SLC4A8: variants seen among roughly 807,000 people sequenced by gnomAD.
The protein encoded by SLC4A8 is electroneutral sodium bicarbonate exchanger 1.
SLC4A8 carries 40 observed loss-of-function variants against 125.0 expected under a neutral mutation model. That is an observed-to-expected ratio of 0.32 (90% CI 0.25 to 0.42). The LOEUF (loss-of-function observed/expected upper bound fraction) is 0.42, where lower values mean the gene tolerates loss of function less well. Ranked by LOEUF, SLC4A8 falls within the 10% of genes least tolerant of loss-of-function variation. The pLI, the probability that SLC4A8 is intolerant of heterozygous loss-of-function variation, is 1.00. For synonymous variants in SLC4A8, 456 were observed against 476.0 expected (o/e 0.96, Z 0.55); for missense variants, 863 against 1,355.1 (o/e 0.64, Z 5.70).
chr12:51,480,071 G>A (rs538177744), intron 16 of SLC4A8: 44 of 366,662 alleles, frequency 1.2e-4, no homozygotes, highest in African/African-American at 8.8e-4. Context: ...CTCCCGAGTA[G>A]CTGGGACTAC....
intron 24 of SLC4A8, among the ~76,000 whole-genome samples, chr12:51,506,480 G>A (rs953480098): frequency 4.0e-5 from 6 of 151,140 alleles, no homozygotes; most frequent in Admixed American, 6.6e-5. Context: ...TGTCTCCCAG[G>A]CTGGAGTGCA....
At chr12:51,503,209 T>C (rs1283662825) in intron 22 of SLC4A8, among the ~76,000 whole-genome samples, 1 of 151,130 alleles carries the variant, frequency 6.6e-6, no homozygotes, top group Non-Finnish European at 1.5e-5. Context: ...TGGATTATTA[T>C]TATTTTTTTA....
intron 1 of SLC4A8, among the ~76,000 whole-genome samples, chr12:51,396,194 T>A (rs1157955175): frequency 6.6e-6 from 1 of 152,252 alleles, no homozygotes; most frequent in Non-Finnish European, 1.5e-5. Context: ...TTAGCCATTA[T>A]AATATTAGCT....
chr12:51,462,398 C>T lies in SLC4A8; in HGVS notation c.1190C>T (p.Pro397Leu). Residue 397 changes from proline (P) to leucine (L), a missense_variant, in exon 10 of 25, where the codon CCT (proline) becomes CTT (leucine). By Grantham distance (98) the Pro-to-Leu change is moderately conservative. Around this residue, in one of 6 missense-constraint regions of SLC4A8, gnomAD observed 390 missense variants for 634.4 expected, o/e 0.61. Transcript: ENST00000453097. ...DEFLDQVTVL[P>L]PGEWDPSIRI... ...TTCCTAGACCAGGTGACGGTGCTCC[C>T]TCCAGGAGAGTGGGATCCCTCCATT... 1 of 1,607,716 alleles carries T rather than the reference C, an allele frequency of 6.2e-7. No individual in the cohort carries two copies. The highest frequency in any genetic ancestry group is 8.5e-7 in the Non-Finnish European group (1 of 1,178,120).
intron 16 of SLC4A8, among the ~76,000 whole-genome samples, chr12:51,484,382 T>A (rs1951110128): frequency 6.6e-6 from 1 of 152,070 alleles, no homozygotes; most frequent in Non-Finnish European, 1.5e-5. Context: ...CATGAAACAA[T>A]CAGATGCTAT....
At chr12:51,474,269 C>A in intron 14 of SLC4A8, 73 bp from the exon 15 acceptor site, 3 of 987,302 alleles carry the variant, frequency 3.0e-6, no homozygotes, top group South Asian at 1.7e-5. Flanking sequence ...AGCCTTTAAA[C>A]CAGTTGTTCT....
At position 51,476,733 on chromosome 12, in the gene SLC4A8, T is replaced by G. The variant is rs575435522; in HGVS notation, c.2172+1527T>G. Among the ~76,000 whole-genome samples the G allele has an allele frequency of 6.6e-5, 10 of 152,262 alleles. No homozygotes were observed. In the East Asian group the frequency reaches 1.9e-3, roughly 29 times the overall value. On this transcript the variant is annotated intron_variant, in intron 16 of 24. Coordinates refer to ENST00000453097, the MANE Select transcript of SLC4A8 (RefSeq NM_001039960.3). ...AGTGGCCTTCAGAGAAACCTATTTA[T>G]GTGGCCAGTGGTGTGGCCTTACCTG...
chr12:51,463,673 A>G lies in SLC4A8; in HGVS notation c.1308A>G (p.Pro436=). Residue 436 remains proline (P), a synonymous_variant, in exon 11 of 25, where the codon CCA becomes CCG. Coordinates refer to ENST00000453097, the MANE Select transcript of SLC4A8 (RefSeq NM_001039960.3). ...ATGTTTGCCACATAGAACAGGAACCACATGGGGGTCACAGTGGGCCAGAAC... is the reference window on the plus strand; with the variant it reads ...ATGTTTGCCACATAGAACAGGAACCGCATGGGGGTCACAGTGGGCCAGAAC... ...NGNVCHIEQE[P]HGGHSGPELQ... The G allele has an allele frequency of 6.2e-7, 1 of 1,614,152 alleles. No individual in the cohort carries two copies. Among genetic ancestry groups the G allele is most frequent in the Non-Finnish European group, 8.5e-7 (1 of 1,179,966 alleles).
At position 51,513,920 on chromosome 12, in the gene SLC4A8, C is replaced by T. The variant is rs1439859210; in HGVS notation, c.*6482C>T. ...CCAAAAAAGATAGTTCTTAGTCCTA[C>T]TTTATTTTCTACCCACTCAACTCTC... is the stretch of plus-strand genomic sequence containing the variant. On this transcript the variant is annotated 3_prime_UTR_variant, in exon 25 of 25. Transcript: ENST00000453097. The T allele has an allele frequency of 6.6e-6, 1 of 152,176 alleles. No individual in the cohort carries two copies. The highest frequency in any genetic ancestry group is 6.5e-5 in the Admixed American group (1 of 15,278). 9.4% of individuals were successfully genotyped at this position (152,176 alleles called of 1,614,324 possible).
At position 51,505,857 on chromosome 12, in the gene SLC4A8, A is replaced by G. The variant is rs1262758163; in HGVS notation, c.3196A>G (p.Ile1066Val). Residue 1066 changes from isoleucine to valine, a missense_variant, in exon 24 of 25, where the codon ATA becomes GTA. Physicochemically the swap from Ile to Val is conservative, Grantham distance 29. This residue lies in a region of SLC4A8 where 92 missense variants were observed against 125.6 expected (regional missense o/e 0.73). Coordinates refer to ENST00000453097, the MANE Select transcript of SLC4A8 (RefSeq NM_001039960.3). The stretch of plus-strand genomic sequence containing the variant: ...CAGATGTGACCCCTCTGAGATTAAT[A>G]TATCTGATGAAATGCCTAAAACTAC... ...SCRCDPSEIN[I>V]SDEMPKTTVW... 2 of 1,565,432 alleles carry G rather than the reference A, an allele frequency of 1.3e-6. No individual in the cohort carries two copies. The highest frequency in any genetic ancestry group is 1.8e-6 in the Non-Finnish European group (2 of 1,138,216).
chr12:51,435,440 G>A lies in SLC4A8; in HGVS notation c.49-5268G>A, dbSNP rs959127159. 2.6e-5 allele frequency among the ~76,000 whole-genome samples: 4 copies of A among 152,092 alleles called. No homozygotes were observed. The East Asian group carries it at 7.7e-4, about 29-fold the overall frequency. ...GGTTTATTAGTGTTATCCTCCAAATGTGACCAATTAGTTAATTTTAAAAGT... is the reference window on the plus strand; with the variant it reads ...GGTTTATTAGTGTTATCCTCCAAATATGACCAATTAGTTAATTTTAAAAGT... On this transcript the variant is annotated intron_variant, in intron 1 of 24. Transcript: ENST00000453097.
At chr12:51,414,580 G>A (rs374064159) in intron 1 of SLC4A8, among the ~76,000 whole-genome samples, 4 of 151,982 alleles carry the variant, frequency 2.6e-5, no homozygotes, top group Admixed American at 6.6e-5. Context: ...GTGAGATCTC[G>A]TCTCTACAAA....
At chr12:51,420,743 A>C (rs1948771775), upstream of SLC4A8, among the ~76,000 whole-genome samples, 1 of 152,200 alleles carries the variant, frequency 6.6e-6, no homozygotes, top group African/African-American at 2.4e-5. Flanking sequence ...GAAAGAGTGG[A>C]GCCTATGAAA....
At chr12:51,473,145 T>G (rs946011949) in intron 14 of SLC4A8, among the ~76,000 whole-genome samples, 2 of 152,216 alleles carry the variant, frequency 1.3e-5, no homozygotes, top group African/African-American at 4.8e-5. Flanking sequence ...ACATGTATCC[T>G]CCATTATAAT....
In SLC4A8 at chr12:51,497,472, T is replaced by C. The variant is rs1951493256; in HGVS notation, c.3081+348T>C. On this transcript the variant is annotated intron_variant, in intron 22 of 24. Coordinates refer to ENST00000453097, the MANE Select transcript of SLC4A8 (RefSeq NM_001039960.3). ...ACATAAGACCCATTATTTCCTAGAA[T>C]GTTTGTAATATATCTAATTGCAAAT... is the stretch of plus-strand genomic sequence containing the variant. The C allele has an allele frequency of 2.1e-5, 4 of 186,418 alleles. No individual in the cohort carries two copies. The South Asian group carries it at 4.8e-4, about 23-fold the overall frequency. 11.5% of individuals were successfully genotyped at this position (186,418 alleles called of 1,614,324 possible).
chr12:51,452,377 G>A, intron 4 of SLC4A8, 118 bp downstream of exon 4: 1 of 1,143,938 alleles, frequency 8.7e-7, no homozygotes, highest in Non-Finnish European at 1.3e-6. Context: ...ACTGACATGG[G>A]GACTGACATT....
At chr12:51,488,961 T>C (rs1049283106) in intron 18 of SLC4A8, 101 bp downstream of exon 18, 14 of 840,146 alleles carry the variant, frequency 1.7e-5, no homozygotes, top group Admixed American at 4.9e-5. Context: ...TAGAATCTCA[T>C]AGAAGAGGTT....
upstream of SLC4A8, chr12:51,424,507 GATGT>G (rs1001819510): frequency 1.3e-5 from 2 of 154,862 alleles, no homozygotes; most frequent in African/African-American, 2.4e-5. Flanking sequence ...AATCGCGAAG[GATGT>G]TTGCCCGGAA....
Position 51,440,804 on chromosome 12 carries a change from G to C in SLC4A8, c.130+15G>C. 6.3e-7 allele frequency: 1 copy of C among 1,597,878 alleles called. No individual in the cohort carries two copies. Among genetic ancestry groups the C allele is most frequent in the Non-Finnish European group, 8.5e-7 (1 of 1,173,736 alleles). ...AGAGCTGGAAGGTAAGAACTGCCAT[G>C]CTGTGTGATCAGGGAAATTGGTGAG... On this transcript the variant is annotated intron_variant, in intron 2 of 24. Transcript: ENST00000453097.
Sources: gnomAD v4.1 joint callset for allele counts (sites outside exome capture counted in the v4.1 genomes callset) on GRCh38, gnomAD v4.1.1 for gene constraint, gnomAD v4.1.1 regional missense constraint, MANE v1.5 for transcripts, NCBI Gene and HGNC (gene_info 2026-07-23, HGNC 2026-07-21) for gene names.